Variants in ACAP3 observed in about 807,000 individuals in gnomAD.
The protein encoded by ACAP3 is arf-GAP with coiled-coil, ANK repeat and PH domain-containing protein 3.
ACAP3 carries 56 observed loss-of-function variants against 104.1 expected under a neutral mutation model. That is an observed-to-expected ratio of 0.54 (90% CI 0.43 to 0.67). The LOEUF is 0.67. Ranked by LOEUF, ACAP3 falls within the 30% of genes least tolerant of loss-of-function variation. The pLI is 0.00. For missense variants in ACAP3, 1,208 were observed against 1,174.9 expected (o/e 1.03, Z -0.41); for synonymous variants, 628 against 496.2 (o/e 1.27, Z -3.53).
chr1:1,299,407 GCTGC>G, intron 9 of ACAP3, 51 bp from the exon 10 acceptor site: 1 of 1,493,314 alleles, frequency 6.7e-7, no homozygotes, highest in Non-Finnish European at 8.9e-7. Flanking sequence ...GTGAGTGACG[GCTGC>G]CAACTCCTGG....
At chr1:1,304,465 G>A (rs971370945) in intron 1 of ACAP3, 8 of 490,724 alleles carry the variant, frequency 1.6e-5, no homozygotes, top group Non-Finnish European at 2.6e-5. Flanking sequence ...AGCCTCACCC[G>A]CCTCTCCTCT....
intron 6 of ACAP3, 121 bp downstream of exon 6, chr1:1,300,388 A>C: frequency 7.9e-7 from 1 of 1,273,528 alleles, no homozygotes; most frequent in East Asian, 2.5e-5. Flanking sequence ...TGGAGTTCCC[A>C]CCCATGGGCA....
chr1:1,299,030 AG>A (rs1641324936), intron 10 of ACAP3: 9 of 558,114 alleles, frequency 1.6e-5, no homozygotes, highest in Non-Finnish European at 2.5e-5. Context: ...GGGCGGACAG[AG>A]CCCCATTCAG....
intron 19 of ACAP3, 80 bp from the exon 20 acceptor site, chr1:1,294,896 C>G: frequency 7.0e-7 from 1 of 1,432,062 alleles, no homozygotes; most frequent in Non-Finnish European, 9.5e-7. Flanking sequence ...GCTGGAACTC[C>G]ACCCACCCTC....
Position 1,304,000 on chromosome 1 carries a change from G to A in ACAP3, c.105+86C>T, listed in dbSNP as rs953181559. The A allele has an allele frequency of 4.7e-6, 7 of 1,492,808 alleles. No individual in the cohort carries two copies. The highest frequency in any genetic ancestry group is 2.0e-5 in the Admixed American group (1 of 50,420). 92.5% of individuals were successfully genotyped at this position (1,492,808 alleles called of 1,614,324 possible). On this transcript the variant is annotated intron_variant, in intron 2 of 23. Coordinates refer to ENST00000354700, the MANE Select transcript of ACAP3 (RefSeq NM_030649.3). The surrounding 1 kb of genome is among the most constrained non-coding windows in gnomAD (Gnocchi z 4.0). ...TGCTCCACATATGGGGGGTGTAAGTGGCTTAGTAAGGCCTGGAGGGCGAGT... is the reference window on the plus strand; with the variant it reads ...TGCTCCACATATGGGGGGTGTAAGTAGCTTAGTAAGGCCTGGAGGGCGAGT...
intron 5 of ACAP3, chr1:1,301,406 C>T (rs550037900): frequency 7.7e-4 from 116 of 151,362 alleles, no homozygotes; most frequent in Non-Finnish European, 1.2e-3. Flanking sequence ...ACCATAGGCA[C>T]GTGCCACCAT....
In ACAP3 at chr1:1,296,502, G is replaced by C; in HGVS notation, c.1260C>G (p.Asp420Glu). Residue 420 changes from aspartate (D) to glutamate (E), a missense_variant, in exon 15 of 24, where the codon GAC becomes GAG. Coordinates refer to ENST00000354700, the MANE Select transcript of ACAP3 (RefSeq NM_030649.3). The stretch of plus-strand genomic sequence containing the variant: ...CCCAGCGGGGGTCCGGCTGGCCGCA[G>C]TCGCCGCACTGGCTGTTGCCGGCCA... ...QSVAGNSQCG[D>E]CGQPDPRWAS... 6.5e-6 allele frequency: 10 copies of C among 1,542,050 alleles called. No individual in the cohort carries two copies. Among genetic ancestry groups the C allele is most frequent in the Non-Finnish European group, 8.7e-6 (10 of 1,146,768 alleles).
intron 1 of ACAP3, chr1:1,307,391 C>G (rs1333839715): frequency 7.7e-7 from 1 of 1,290,934 alleles, no homozygotes; most frequent in Non-Finnish European, 1.0e-6. Flanking sequence ...GCTCTGGACA[C>G]AGGATCAAGT....
intron 10 of ACAP3, chr1:1,298,957 G>A (rs1004221908): frequency 5.3e-5 from 29 of 548,324 alleles, no homozygotes; most frequent in South Asian, 2.5e-4. Context: ...AGCAGGCTGC[G>A]ATCAGGAAGG....
chr1:1,300,061 G>A lies in ACAP3; in HGVS notation c.575C>T (p.Ser192Phe). 1 of 1,612,430 alleles carries A rather than the reference G, an allele frequency of 6.2e-7. No homozygotes were observed. Residue 192 changes from serine (S) to phenylalanine (F), a missense_variant, in exon 8 of 24, where the codon TCC becomes TTC. Physicochemically the swap from Ser to Phe is radical, Grantham distance 155 (BLOSUM62 -2). Coordinates refer to ENST00000354700, the MANE Select transcript of ACAP3 (RefSeq NM_030649.3). ...GAAGCTGGACTGGGCGTGCATGAAG[G>A]ACAGCATCTGCGGGGGCAGCACAGG... ...KKFEILDSML[S>F]FMHAQSSFFQ...
chr1:1,294,500 G>A lies in ACAP3; in HGVS notation c.2041C>T (p.Leu681Phe). The A allele has an allele frequency of 1.3e-6, 2 of 1,535,240 alleles. No homozygotes were observed. The highest frequency in any genetic ancestry group is 2.5e-5 in the East Asian group (1 of 40,548). Residue 681 changes from leucine to phenylalanine, a missense_variant, in exon 21 of 24, where the codon CTT (leucine) becomes TTT (phenylalanine). Coordinates refer to ENST00000354700, the MANE Select transcript of ACAP3 (RefSeq NM_030649.3). ...GCCAGCGCCGCCGCCAGCGCAGGAAGGTCGCGGGCACGCGCTGCGCGGTGC... is the reference window on the plus strand; with the variant it reads ...GCCAGCGCCGCCGCCAGCGCAGGAAAGTCGCGGGCACGCGCTGCGCGGTGC... ...LAHRAARARD[L>F]PALAAALAHG...
rs1641361587 is a variant in ACAP3, at chr1:1,299,738, A to C, written c.738+93T>G. The stretch of plus-strand genomic sequence containing the variant: ...GCAGGGCAGGTGGGAGACAGGCAGG[A>C]GGAAGGGGCGGGGAGGGTGTGCCGG... On this transcript the variant is annotated intron_variant, in intron 9 of 23. Transcript: ENST00000354700. 4 of 1,372,256 alleles carry C rather than the reference A, an allele frequency of 2.9e-6. No individual in the cohort carries two copies. The South Asian group carries it at 4.2e-5, about 14-fold the overall frequency. 85.0% of individuals were successfully genotyped at this position (1,372,256 alleles called of 1,614,324 possible). A position where few individuals can be genotyped will look rare whatever the true frequency, so the allele number is the denominator to read the frequency against.
rs746571578 is a variant in ACAP3, at chr1:1,293,772, C to CGCCCCT, written c.2360+45_2360+50dup. 6 of 1,513,984 alleles carry CGCCCCT rather than the reference C, an allele frequency of 4.0e-6. No individual in the cohort carries two copies. The African/African-American group carries it at 5.8e-5, about 15-fold the overall frequency. 93.8% of individuals were successfully genotyped at this position (1,513,984 alleles called of 1,614,324 possible). Reference sequence around the variant, plus strand: ...GGCCCCGCCCCTGCCCTGGAGGCCCCGCCCCTGCCCTGGAGGCCCCGCCCA... The same window carrying CGCCCCT: ...GGCCCCGCCCCTGCCCTGGAGGCCCCGCCCCTGCCCCTGCCCTGGAGGCCCCGCCCA... On this transcript the variant is annotated intron_variant, in intron 23 of 23. Coordinates refer to ENST00000354700, the MANE Select transcript of ACAP3 (RefSeq NM_030649.3).
intron 12 of ACAP3, 95 bp downstream of exon 12, chr1:1,298,274 GC>G: frequency 6.3e-7 from 1 of 1,587,138 alleles, no homozygotes. Flanking sequence ...GTCCACTAGT[GC>G]CCCGGCCCTG....
At chr1:1,294,054 C>A in intron 22 of ACAP3, 36 bp downstream of exon 22, 2 of 1,522,698 alleles carry the variant, frequency 1.3e-6, no homozygotes, top group South Asian at 2.5e-5. Context: ...TAGGCGTGGT[C>A]GGGGCACAGG....
Position 1,293,883 on chromosome 1 carries a change from T to C in ACAP3, c.2300A>G (p.Gln767Arg). ...KRGADQHALDQEQRDPLAIAV... is the reference protein window; with the variant it reads ...KRGADQHALDREQRDPLAIAV... Reference sequence around the variant, plus strand: ...GATGGCCAACGGGTCCCGCTGCTCTTGGTCCAGGGCGTGCTGGTCCGCGCC... The same window carrying C: ...GATGGCCAACGGGTCCCGCTGCTCTCGGTCCAGGGCGTGCTGGTCCGCGCC... The change falls in exon 23 of 24, where the codon CAA becomes CGA. Residue 767 changes from glutamine (Q) to arginine (R), a missense_variant. Gln to Arg is a conservative substitution (Grantham distance 43). Coordinates refer to ENST00000354700, the MANE Select transcript of ACAP3 (RefSeq NM_030649.3). 6.3e-7 allele frequency: 1 copy of C among 1,580,704 alleles called. No individual in the cohort carries two copies. The highest frequency in any genetic ancestry group is 8.6e-7 in the Non-Finnish European group (1 of 1,166,212).
intron 21 of ACAP3, 30 bp from the exon 22 acceptor site, chr1:1,294,229 C>T (rs1159029429): frequency 1.3e-6 from 2 of 1,553,028 alleles, no homozygotes; most frequent in African/African-American, 1.4e-5. Context: ...CAGACGGAGC[C>T]ACGGCACCGG....
intron 1 of ACAP3, among the ~76,000 whole-genome samples, chr1:1,306,149 A>G (rs1536168): frequency 0.91 from 138,709 of 152,252 alleles, 63,362 homozygotes; most frequent in Non-Finnish European, 0.95. Context: ...CAGGGCAGTC[A>G]CTCTACGGCA....
In ACAP3 at chr1:1,294,179, C is replaced by G; in HGVS notation, c.2160G>C (p.Glu720Asp). 6.3e-7 allele frequency: 1 copy of G among 1,594,214 alleles called. No individual in the cohort carries two copies. Among genetic ancestry groups the G allele is most frequent in the Non-Finnish European group, 8.5e-7 (1 of 1,170,712 alleles). Reference protein sequence around the residue: ...AVLGGSLIVCEFLLQNGADVN... With the variant: ...AVLGGSLIVCDFLLQNGADVN... ...CGTCCGCTCCGTTTTGCAGCAGGAA[C>G]TCACAGACGATCAAGGAGCCCTGGG... Residue 720 changes from glutamate (E) to aspartate (D), a missense_variant, in exon 22 of 24, where the codon GAG becomes GAC. Physicochemically the swap from Glu to Asp is conservative, Grantham distance 45. Transcript: ENST00000354700.
Sources: gnomAD v4.1 joint callset for allele counts (sites outside exome capture counted in the v4.1 genomes callset) on GRCh38, gnomAD v4.1.1 for gene constraint, Gnocchi (gnomAD v3.1) non-coding constraint, MANE v1.5 for transcripts, NCBI Gene and HGNC (gene_info 2026-07-23, HGNC 2026-07-21) for gene names.